The following MACF1 variants were observed in gnomAD, a reference collection of about 807,000 sequenced individuals.
MACF1 encodes microtubule-actin cross-linking factor 1.
A neutral mutation model predicts 854.8 loss-of-function variants in MACF1; 193 were observed. The ratio of observed to expected loss-of-function variants is 0.23; its 90% CI spans 0.20 to 0.25. The LOEUF (loss-of-function observed/expected upper bound fraction) is 0.25. Among genes scored for constraint, MACF1 ranks in the 10% least tolerant of loss-of-function variants. MACF1 has a pLI of 1.00. For synonymous variants in MACF1, 3,185 were observed against 3,226.7 expected, an observed-to-expected ratio of 0.99 and a Z score of 0.44; for missense variants, 7,722 against 8,929.1, an observed-to-expected ratio of 0.86 and a Z score of 5.45.
At chr1:39,236,695 C>T (rs919129673) in intron 2 of MACF1, among the ~76,000 whole-genome samples, 3 of 151,972 alleles carry the variant, frequency 2.0e-5, no homozygotes, top group Non-Finnish European at 4.4e-5. Context: ...TGGAGTCTTG[C>T]TTTGTTGCCC....
At chr1:39,462,567 TAGCC>T (rs1244756963) in intron 93 of MACF1, among the ~76,000 whole-genome samples, 10 of 143,668 alleles carry the variant, frequency 7.0e-5, no homozygotes, top group African/African-American at 2.6e-4. Flanking sequence ...AAAAAAAAAT[TAGCC>T]AGGTGTGGTG....
At chr1:39,185,500 C>T (rs1007592029) in intron 2 of MACF1, among the ~76,000 whole-genome samples, 17 of 148,396 alleles carry the variant, frequency 1.1e-4, no homozygotes, top group Middle Eastern at 6.9e-3. Flanking sequence ...GGCCCAGTTT[C>T]TTTAAAAAAA....
At chr1:39,160,804 T>C (rs905888196) in intron 2 of MACF1, among the ~76,000 whole-genome samples, 2 of 152,194 alleles carry the variant, frequency 1.3e-5, no homozygotes, top group African/African-American at 4.8e-5. Context: ...CTCCTGTGGG[T>C]TGAGTTTCAC....
chr1:39,479,462 A>G (rs1644975210), intron 97 of MACF1, among the ~76,000 whole-genome samples: 2 of 152,224 alleles, frequency 1.3e-5, no homozygotes, highest in African/African-American at 4.8e-5. Context: ...GTTTTGATTT[A>G]ACTTCAGAGG....
intron 2 of MACF1, among the ~76,000 whole-genome samples, chr1:39,100,348 G>C (rs1324124221): frequency 6.6e-6 from 1 of 152,188 alleles, no homozygotes; most frequent in African/African-American, 2.4e-5. Flanking sequence ...TCTGATTATA[G>C]GGAAAGGAGG....
At position 39,358,721 on chromosome 1, in the gene MACF1, A is replaced by G; in HGVS notation, c.11968A>G (p.Asn3990Asp). 1 of 1,614,138 alleles carries G rather than the reference A, an allele frequency of 6.2e-7. No individual in the cohort carries two copies. Among genetic ancestry groups the G allele is most frequent in the Non-Finnish European group, 8.5e-7 (1 of 1,180,026 alleles). The change falls in exon 46 of 101, where the codon AAT (asparagine) becomes GAT (aspartate). Residue 3990 changes from asparagine (N) to aspartate (D), a missense_variant. Physicochemically the swap from Asn to Asp is conservative, Grantham distance 23 (BLOSUM62 1). This residue lies in a region of MACF1 where 2,807 missense variants were observed against 3,235.8 expected (regional missense o/e 0.87). Transcript: ENST00000564288. ...GTGTACACGATTAGGATCTCACCTGAATATGCTGTTAGGCCAGTATCATCA... is the reference window on the plus strand; with the variant it reads ...GTGTACACGATTAGGATCTCACCTGGATATGCTGTTAGGCCAGTATCATCA... ...SKCTRLGSHL[N>D]MLLGQYHQFQ... is the part of the protein sequence containing the mutation.
intron 29 of MACF1, 103 bp from the exon 30 acceptor site, chr1:39,318,349 TG>T: frequency 1.0e-6 from 1 of 996,536 alleles, no homozygotes; most frequent in Non-Finnish European, 1.5e-6. Context: ...GGATCGTTTG[TG>T]GTCAAGCCCA....
intron 2 of MACF1, among the ~76,000 whole-genome samples, chr1:39,244,546 G>A (rs991052328): frequency 1.3e-5 from 2 of 151,174 alleles, no homozygotes; most frequent in Non-Finnish European, 2.9e-5. Context: ...CTCCCAAAGT[G>A]CTAGGATTAC....
intron 15 of MACF1, 90 bp from the exon 16 acceptor site, chr1:39,291,820 C>T: frequency 7.3e-7 from 1 of 1,362,410 alleles, no homozygotes; most frequent in Non-Finnish European, 9.9e-7. Context: ...AGTCCTCTAC[C>T]CCTTGGTTCC....
intron 66 of MACF1, 35 bp downstream of exon 66, chr1:39,430,943 G>C: frequency 6.4e-7 from 1 of 1,566,708 alleles, no homozygotes; most frequent in Non-Finnish European, 8.8e-7. Context: ...TAATATTTTA[G>C]ACAGTATTGA....
At chr1:39,413,172 T>C (rs1340800012) in intron 58 of MACF1, 1 of 1,613,326 alleles carries the variant, frequency 6.2e-7, no homozygotes, top group Non-Finnish European at 8.5e-7. Flanking sequence ...AGGAGGATGG[T>C]ACACCAGAAG....
chr1:39,394,357 C>T (rs1415433617), intron 58 of MACF1, among the ~76,000 whole-genome samples: 1 of 152,046 alleles, frequency 6.6e-6, no homozygotes, highest in African/African-American at 2.4e-5. Flanking sequence ...GGCGGTGGCT[C>T]ACGCCTGTAA....
intron 17 of MACF1, 82 bp downstream of exon 17, chr1:39,292,925 TCCTGGTTTGGC>T: frequency 8.3e-7 from 1 of 1,199,088 alleles, no homozygotes; most frequent in Non-Finnish European, 1.2e-6. Context: ...TTCAGAAATC[TCCTGGTTTGGC>T]CCTGTTTTGG....
At chr1:39,153,060 G>A (rs1643615885) in intron 2 of MACF1, among the ~76,000 whole-genome samples, 1 of 152,190 alleles carries the variant, frequency 6.6e-6, no homozygotes, top group African/African-American at 2.4e-5. Context: ...TGGAGTTGAT[G>A]AGAGAAACTG....
At chr1:39,414,593 C>T (rs765237679) in intron 58 of MACF1, 7 of 1,480,688 alleles carry the variant, frequency 4.7e-6, no homozygotes, top group Non-Finnish European at 6.4e-6. Flanking sequence ...TTGGGTCTCC[C>T]GGGCTTATAG....
intron 2 of MACF1, among the ~76,000 whole-genome samples, chr1:39,186,433 A>G (rs984415482): frequency 1.3e-5 from 2 of 151,836 alleles, no homozygotes; most frequent in Non-Finnish European, 2.9e-5. Flanking sequence ...CGCCCGGCCT[A>G]GAAATGACTT....
At chr1:39,403,926 C>T (rs1041813460) in intron 58 of MACF1, among the ~76,000 whole-genome samples, 3 of 151,742 alleles carry the variant, frequency 2.0e-5, no homozygotes, top group Non-Finnish European at 2.9e-5. Flanking sequence ...GTCAGGAGTT[C>T]GAAACCAGCC....
At chr1:39,366,806 G>T (rs945250366) in intron 49 of MACF1, among the ~76,000 whole-genome samples, 3 of 147,372 alleles carry the variant, frequency 2.0e-5, no homozygotes, top group Non-Finnish European at 3.0e-5. Flanking sequence ...GCAATTTCCA[G>T]CTAATTTTTG....
chr1:39,322,103 C>T (rs923295542), intron 31 of MACF1, among the ~76,000 whole-genome samples: 1 of 152,132 alleles, frequency 6.6e-6, no homozygotes, highest in Non-Finnish European at 1.5e-5. Flanking sequence ...ATCTAAGATT[C>T]TAATCCTAAC....
Sources: gnomAD v4.1 joint callset for allele counts (sites outside exome capture counted in the v4.1 genomes callset) on GRCh38, gnomAD v4.1.1 for gene constraint, gnomAD v4.1.1 regional missense constraint, MANE v1.5 for transcripts, NCBI Gene and HGNC (gene_info 2026-07-23, HGNC 2026-07-21) for gene names.